Variants in ANKH observed in about 807,000 individuals in gnomAD.
ANKH encodes the protein mineralization regulator ANKH.
ANKH carries 15 observed loss-of-function variants against 49.0 expected under a neutral mutation model. The observed-to-expected ratio is 0.31, with a 90% confidence interval of 0.20 to 0.47. The LOEUF (loss-of-function observed/expected upper bound fraction) is 0.47. ANKH is among the 20% of genes least tolerant of loss of function. The probability of loss-of-function intolerance (pLI) is 1.00; values close to 1 mark genes in which losing one functional copy is unlikely to be tolerated. For missense variants in ANKH, 429 were observed against 652.0 expected (o/e 0.66, Z 3.72); for synonymous variants, 273 against 260.0 (o/e 1.05, Z -0.48).
Position 14,805,369 on chromosome 5 carries a change from T to C in ANKH, c.97-36178A>G, listed in dbSNP as rs575907101. ...TAAGTTAATACTTAATAAACTCCCC[T>C]ATATATATGTGTGTATGTGTATATA... On this transcript the variant is annotated intron_variant, in intron 1 of 11. Coordinates refer to ENST00000284268, the MANE Select transcript of ANKH (RefSeq NM_054027.6). Among the ~76,000 whole-genome samples the C allele has an allele frequency of 1.2e-4, 16 of 134,136 alleles. No individual in the cohort carries two copies. The East Asian group carries it at 2.0e-3, about 17-fold the overall frequency. The allele number at this position is 134,136 out of a possible 152,430, so 88.0% of individuals were successfully genotyped here. A position where few individuals can be genotyped will look rare whatever the true frequency, so the allele number is the denominator to read the frequency against.
chr5:14,809,335 T>TAAA (rs36119317), intron 1 of ANKH, among the ~76,000 whole-genome samples: 523 of 80,376 alleles, frequency 6.5e-3, no homozygotes, highest in Middle Eastern at 0.01. Flanking sequence ...TAGAGTATAA[T>TAAA]AAAAAAAAAA....
At chr5:14,749,618 C>T (rs1171141222) in intron 5 of ANKH, among the ~76,000 whole-genome samples, 4 of 152,212 alleles carry the variant, frequency 2.6e-5, no homozygotes, top group South Asian at 2.1e-4. Flanking sequence ...ACCCACATCT[C>T]GAGCCTGAGA....
intron 1 of ANKH, 60 bp downstream of exon 1, chr5:14,871,292 G>T: frequency 6.8e-7 from 1 of 1,463,000 alleles, no homozygotes; most frequent in Non-Finnish European, 9.5e-7. Flanking sequence ...CCGCCCCCGT[G>T]TCCGGGCGTG....
intron 8 of ANKH, among the ~76,000 whole-genome samples, chr5:14,718,659 A>C (rs1226406679): frequency 6.6e-6 from 1 of 151,960 alleles, no homozygotes; most frequent in African/African-American, 2.4e-5. Flanking sequence ...AAAAATACAA[A>C]ATTAACCGGG....
At chr5:14,845,368 T>TATATA (rs1561081247) in intron 1 of ANKH, among the ~76,000 whole-genome samples, 9 of 20,150 alleles carry the variant, frequency 4.5e-4, no homozygotes, top group East Asian at 4.9e-3. Flanking sequence ...ATATATATAT[T>TATATA]TTTTTTTTTA....
intron 8 of ANKH, among the ~76,000 whole-genome samples, chr5:14,730,529 G>A (rs1045613460): frequency 2.0e-5 from 3 of 152,158 alleles, no homozygotes; most frequent in Non-Finnish European, 4.4e-5. Context: ...AGGTGTGGAA[G>A]TGGGTACTGG....
At position 14,825,141 on chromosome 5, in the gene ANKH, C is replaced by T. The variant is rs560736855; in HGVS notation, c.96+46211G>A. On this transcript the variant is annotated intron_variant, in intron 1 of 11. Coordinates refer to ENST00000284268, the MANE Select transcript of ANKH (RefSeq NM_054027.6). ...GCTTTCCTCATTCAGCTACCATTAC[C>T]AAGATTTTTAAAAGACACATGAGGA... 3.3e-5 allele frequency among the ~76,000 whole-genome samples: 5 copies of T among 151,874 alleles called. No individual in the cohort carries two copies. In the East Asian group the frequency reaches 7.8e-4, roughly 24 times the overall value.
chr5:14,795,857 CAA>C (rs199499798), intron 1 of ANKH, among the ~76,000 whole-genome samples: 10 of 112,190 alleles, frequency 8.9e-5, no homozygotes, highest in Non-Finnish European at 7.7e-5. Flanking sequence ...GACTGTGTCT[CAA>C]AAAAAAAAAA....
chr5:14,841,037 C>T (rs1018802772), intron 1 of ANKH, among the ~76,000 whole-genome samples: 1 of 151,922 alleles, frequency 6.6e-6, no homozygotes, highest in African/African-American at 2.4e-5. Flanking sequence ...AAGTTTTGAG[C>T]GGGGATATAT....
intron 8 of ANKH, 186 bp from the exon 9 acceptor site, chr5:14,717,021 GGT>G (rs1168598622): frequency 1.6e-5 from 11 of 676,478 alleles, no homozygotes; most frequent in Non-Finnish European, 2.8e-5. Context: ...CAGAGGCCCT[GGT>G]CCATTAGCCA....
chr5:14,723,602 G>A (rs1193579292), intron 8 of ANKH, among the ~76,000 whole-genome samples: 2 of 152,102 alleles, frequency 1.3e-5, no homozygotes, highest in Admixed American at 6.6e-5. Context: ...TTGCGCCACT[G>A]TACTCCAGCC....
At chr5:14,791,296 C>T (rs1740158699) in intron 1 of ANKH, among the ~76,000 whole-genome samples, 1 of 152,040 alleles carries the variant, frequency 6.6e-6, no homozygotes, top group Admixed American at 6.6e-5. Flanking sequence ...CCATGTTGAC[C>T]CAAACTGCCT....
intron 8 of ANKH, among the ~76,000 whole-genome samples, chr5:14,738,988 A>C (rs187130716): frequency 1.3e-5 from 2 of 152,352 alleles, no homozygotes; most frequent in African/African-American, 4.8e-5. Context: ...CCCTGGGGAT[A>C]AAAGATGACA....
chr5:14,857,434 C>T (rs1038214104), intron 1 of ANKH, among the ~76,000 whole-genome samples: 3 of 152,154 alleles, frequency 2.0e-5, no homozygotes, highest in Non-Finnish European at 4.4e-5. Flanking sequence ...ACAGGTGGAT[C>T]ACTTGAGGTC....
At chr5:14,825,250 A>G (rs988526075) in intron 1 of ANKH, among the ~76,000 whole-genome samples, 1 of 152,210 alleles carries the variant, frequency 6.6e-6, no homozygotes, top group Non-Finnish European at 1.5e-5. Context: ...CAGAAATTCT[A>G]ACTACTCAGC....
chr5:14,784,674 G>A (rs1483994878), intron 1 of ANKH, among the ~76,000 whole-genome samples: 10 of 152,160 alleles, frequency 6.6e-5, no homozygotes, highest in African/African-American at 2.4e-4. Context: ...GTGACAGAGT[G>A]TTGGCCTGGC....
At chr5:14,761,461 A>G (rs1739076530) in intron 2 of ANKH, among the ~76,000 whole-genome samples, 1 of 152,154 alleles carries the variant, frequency 6.6e-6, no homozygotes, top group Admixed American at 6.5e-5. Context: ...ATAGAGATCA[A>G]TACACATAAG....
Position 14,737,002 on chromosome 5 carries a change from G to A in ANKH, c.1011+4825C>T, listed in dbSNP as rs1346336370. Among the ~76,000 whole-genome samples, 2 of 152,216 alleles carry A rather than the reference G, an allele frequency of 1.3e-5. No individual in the cohort carries two copies. Among genetic ancestry groups the A allele is most frequent in the Non-Finnish European group, 2.9e-5 (2 of 68,038 alleles). The stretch of plus-strand genomic sequence containing the variant: ...GATAAACAGCAGATGTTCTGAAAAT[G>A]CCATTGTGAAATCAAAATGGAAACT... On this transcript the variant is annotated intron_variant, in intron 8 of 11. Coordinates refer to ENST00000284268, the MANE Select transcript of ANKH (RefSeq NM_054027.6). The surrounding 1 kb of genome is among the most constrained non-coding windows in gnomAD (Gnocchi z 5.0).
chr5:14,818,478 C>A (rs1304293804), intron 1 of ANKH, among the ~76,000 whole-genome samples: 1 of 151,762 alleles, frequency 6.6e-6, no homozygotes, highest in African/African-American at 2.4e-5. Flanking sequence ...CCTATCTCTA[C>A]TAAAAATACA....
Sources: allele counts gnomAD v4.1 joint callset (sites outside exome capture counted in the v4.1 genomes callset), GRCh38; gene constraint gnomAD v4.1.1; non-coding constraint Gnocchi (gnomAD v3.1); transcripts MANE v1.5; gene names NCBI Gene and HGNC (gene_info 2026-07-23, HGNC 2026-07-21).